NANS: variants seen among roughly 807,000 people sequenced by gnomAD.
NANS encodes N-acetylneuraminate-9-phosphate synthase.
In NANS, 29 loss-of-function variants were observed where a neutral mutation model predicts 33.3. The ratio of observed to expected loss-of-function variants is 0.87; its 90% CI spans 0.65 to 1.19. NANS has a LOEUF of 1.19. Among genes scored for constraint, NANS ranks in the 50% most tolerant of loss-of-function variants. The probability of loss-of-function intolerance (pLI) is 0.00; values close to 1 mark genes in which losing one functional copy is unlikely to be tolerated. For missense variants in NANS, 394 were observed against 461.1 expected, an observed-to-expected ratio of 0.85 and a Z score of 1.33; for synonymous variants, 163 against 177.2, an observed-to-expected ratio of 0.92 and a Z score of 0.64.
At chr9:98,057,481 A>G (rs1417371163) in intron 1 of NANS, among the ~76,000 whole-genome samples, 4 of 152,180 alleles carry the variant, frequency 2.6e-5, no homozygotes, top group African/African-American at 9.6e-5. Context: ...CAGTTCCACC[A>G]CTACTAGCTG....
At chr9:98,066,687 A>T (rs1451458412) in intron 2 of NANS, among the ~76,000 whole-genome samples, 1 of 148,674 alleles carries the variant, frequency 6.7e-6, no homozygotes, top group East Asian at 2.0e-4. Context: ...GTCTCGCTCT[A>T]TTGCCCAGGC....
At chr9:98,073,114 ACAGTGGCCATCC>A in intron 2 of NANS, among the ~76,000 whole-genome samples, 1 of 152,112 alleles carries the variant, frequency 6.6e-6, no homozygotes, top group Non-Finnish European at 1.5e-5. Context: ...CTCCTCACAC[ACAGTGGCCATCC>A]CAGCAAAGCC....
At position 98,073,625 on chromosome 9, in the gene NANS, C is replaced by A. The variant is rs41340647; in HGVS notation, c.349-3293C>A. Among the ~76,000 whole-genome samples, 939 of 150,412 alleles carry A rather than the reference C, an allele frequency of 6.2e-3. 5 individuals carry two copies. Among genetic ancestry groups the A allele is most frequent in the African/African-American group, 0.022 (890 of 40,880 alleles). The stretch of plus-strand genomic sequence containing the variant: ...TTTTCCAATCCTGAAGGATCCAAAA[C>A]CTGAGGGGAGAGGAAGGGACTTTAG... On this transcript the variant is annotated intron_variant, in intron 2 of 5. Transcript: ENST00000210444.
intron 2 of NANS, among the ~76,000 whole-genome samples, chr9:98,073,017 G>A (rs1206694115): frequency 6.6e-6 from 1 of 152,198 alleles, no homozygotes; most frequent in Non-Finnish European, 1.5e-5. Flanking sequence ...AGGTGAAACA[G>A]CAGAATGTCT....
intron 2 of NANS, among the ~76,000 whole-genome samples, chr9:98,070,050 C>G (rs1267424450): frequency 6.6e-6 from 1 of 152,188 alleles, no homozygotes; most frequent in Non-Finnish European, 1.5e-5. Context: ...TTCTTTCTTA[C>G]AGTTGCACCT....
chr9:98,077,052 A>G (rs764743370), intron 3 of NANS, 35 bp downstream of exon 3: 2 of 1,493,882 alleles, frequency 1.3e-6, no homozygotes, highest in East Asian at 2.3e-5. Context: ...AATCGAAGGG[A>G]GTCCAAACCT....
chr9:98,061,015 CTGTCATT>C lies in NANS; in HGVS notation c.348+24_348+30del, dbSNP rs1828959103. On this transcript the variant is annotated intron_variant, in intron 2 of 5. Transcript: ENST00000210444. ...TGGATGAGGTGAGTCCTCTGCTGCT[CTGTCATT>C]TGTCACTTTAGCAGACCAAGGGTCA... 6.2e-7 allele frequency: 1 copy of C among 1,611,304 alleles called. No homozygotes were observed. Among genetic ancestry groups the C allele is most frequent in the South Asian group, 1.1e-5 (1 of 90,990 alleles).
intron 2 of NANS, among the ~76,000 whole-genome samples, chr9:98,063,557 T>C (rs1829047657): frequency 6.6e-6 from 1 of 151,408 alleles, no homozygotes; most frequent in Middle Eastern, 3.4e-3. Context: ...TTTTTTGTTT[T>C]TTGAGATGGG....
Position 98,083,069 on chromosome 9 carries a change from T to G in NANS, c.*14T>G, listed in dbSNP as rs760106117. The G allele has an allele frequency of 2.4e-5, 39 of 1,610,902 alleles. No individual in the cohort carries two copies. Among genetic ancestry groups the G allele is most frequent in the Non-Finnish European group, 2.8e-5 (33 of 1,177,660 alleles). On this transcript the variant is annotated 3_prime_UTR_variant, in exon 6 of 6. Coordinates refer to ENST00000210444, the MANE Select transcript of NANS (RefSeq NM_018946.4). ...ATCAAGTCTTAAAAATAAAGTGCCA[T>G]TCTCTGAATTCTCAGTTCCCTTGCT...
At chr9:98,077,160 G>A (rs1311453933) in intron 3 of NANS, 143 bp downstream of exon 3, 13 of 641,328 alleles carry the variant, frequency 2.0e-5, no homozygotes, top group East Asian at 5.7e-5. Context: ...ATAGGGTCTC[G>A]CTGTGTTGGC....
At chr9:98,072,881 A>G (rs16912590) in intron 2 of NANS, among the ~76,000 whole-genome samples, 32,385 of 152,068 alleles carry the variant, frequency 0.21, 3,675 homozygotes, top group Admixed American at 0.27. Context: ...TATTTTCTCC[A>G]CACTGTATGC....
intron 2 of NANS, among the ~76,000 whole-genome samples, chr9:98,073,212 C>G (rs1442795995): frequency 2.0e-5 from 3 of 150,660 alleles, no homozygotes; most frequent in Non-Finnish European, 4.4e-5. Flanking sequence ...GCTGGCCCAG[C>G]CTATTTGTGG....
intron 4 of NANS, among the ~76,000 whole-genome samples, chr9:98,078,950 T>C (rs765966359): frequency 5.9e-5 from 9 of 152,214 alleles, no homozygotes; most frequent in Non-Finnish European, 1.0e-4. Flanking sequence ...TATTCATCTT[T>C]TTTCATACTG....
chr9:98,066,681 C>T (rs559897062), intron 2 of NANS, among the ~76,000 whole-genome samples: 4 of 150,316 alleles, frequency 2.7e-5, no homozygotes, highest in East Asian at 1.9e-4. Context: ...GACAGAGTCT[C>T]GCTCTATTGC....
chr9:98,060,773 G>A lies in NANS; in HGVS notation c.133-9G>A. The A allele has an allele frequency of 1.2e-6, 2 of 1,613,546 alleles. No homozygotes were observed. The highest frequency in any genetic ancestry group is 1.7e-6 in the Non-Finnish European group (2 of 1,179,434). ...CAGTCACTGAAAGATGTCCTAATGT[G>A]TGTTGTAGGAGTGTGGGGCTGATTG... On this transcript the variant is annotated splice_polypyrimidine_tract_variant and intron_variant, in intron 1 of 5. Coordinates refer to ENST00000210444, the MANE Select transcript of NANS (RefSeq NM_018946.4).
intron 1 of NANS, among the ~76,000 whole-genome samples, chr9:98,059,771 A>T (rs1828924865): frequency 6.7e-6 from 1 of 149,034 alleles, no homozygotes; most frequent in African/African-American, 2.5e-5. Flanking sequence ...CTTTTATATT[A>T]TTGCCTCTGC....
intron 5 of NANS, 23 bp from the exon 6 acceptor site, chr9:98,082,823 C>A (rs751023024): frequency 6.2e-7 from 1 of 1,611,424 alleles, no homozygotes; most frequent in South Asian, 1.1e-5. Flanking sequence ...GAAGCTGGCA[C>A]TGAATGTTCA....
In NANS at chr9:98,064,514, C is replaced by T. The variant is rs371230588; in HGVS notation, c.348+3517C>T. On this transcript the variant is annotated intron_variant, in intron 2 of 5. Coordinates refer to ENST00000210444, the MANE Select transcript of NANS (RefSeq NM_018946.4). ...TCAGTGATCCGCCTGCCTCGGCCTC[C>T]CAAAGTTCTGGGATTACAGGTGTAA... 4.9e-4 allele frequency among the ~76,000 whole-genome samples: 75 copies of T among 152,260 alleles called. 1 individual carries two copies. In the South Asian group the frequency reaches 0.015, roughly 31 times the overall value.
intron 2 of NANS, among the ~76,000 whole-genome samples, chr9:98,066,212 G>A (rs924872645): frequency 6.6e-6 from 1 of 152,212 alleles, no homozygotes; most frequent in Non-Finnish European, 1.5e-5. Context: ...TCAGAGTAAT[G>A]AGAAGTATAT....
Sources: allele counts gnomAD v4.1 joint callset (sites outside exome capture counted in the v4.1 genomes callset), GRCh38; gene constraint gnomAD v4.1.1; transcripts MANE v1.5; gene names NCBI Gene and HGNC (gene_info 2026-07-23, HGNC 2026-07-21).